ITPK1: variants seen among roughly 807,000 people sequenced by gnomAD.
ITPK1 encodes inositol 1,3,4-trisphosphate 5/6-kinase.
ITPK1 carries 21 observed loss-of-function variants against 45.3 expected under a neutral mutation model. The observed-to-expected ratio is 0.46, with a 90% confidence interval of 0.33 to 0.67. The LOEUF is 0.67. ITPK1 is among the 30% of genes least tolerant of loss of function. ITPK1 has a pLI of 0.02. For synonymous variants in ITPK1, 258 were observed against 253.6 expected (o/e 1.02, Z -0.16); for missense variants, 474 against 573.5 (o/e 0.83, Z 1.77).
intron 2 of ITPK1, among the ~76,000 whole-genome samples, chr14:93,089,225 G>A (rs1393083175): frequency 2.0e-5 from 3 of 152,192 alleles, no homozygotes; most frequent in African/African-American, 7.2e-5. Context: ...TGCAGTGAAG[G>A]GCCCGGAAGG....
At chr14:93,072,929 T>C (rs1274346560) in intron 3 of ITPK1, among the ~76,000 whole-genome samples, 2 of 152,210 alleles carry the variant, frequency 1.3e-5, no homozygotes, top group Admixed American at 6.5e-5. Flanking sequence ...CAGGTACTCT[T>C]TGAATTTTGC....
At chr14:92,943,454 T>C (rs573341425) in intron 10 of ITPK1, among the ~76,000 whole-genome samples, 8 of 152,298 alleles carry the variant, frequency 5.3e-5, no homozygotes, top group East Asian at 3.9e-4. Flanking sequence ...TCCCCCACCA[T>C]AGGACCCGGG....
intron 3 of ITPK1, among the ~76,000 whole-genome samples, chr14:93,027,914 C>T (rs1250598464): frequency 1.3e-5 from 2 of 152,194 alleles, no homozygotes; most frequent in Non-Finnish European, 2.9e-5. Context: ...AACCTCTGCC[C>T]TGAGGCTTCA....
rs116784428 is a variant in ITPK1, at chr14:93,029,783, T to C, written c.121-12982A>G. Among the ~76,000 whole-genome samples, 1,111 of 152,238 alleles carry C rather than the reference T, an allele frequency of 7.3e-3. 15 individuals are homozygous for C. Among genetic ancestry groups the C allele is most frequent in the African/African-American group, 0.026 (1,059 of 41,528 alleles). On this transcript the variant is annotated intron_variant, in intron 3 of 10. Transcript: ENST00000267615. ...AGGCCCCTTCCTCTACAGCCAAGCA[T>C]AGTAAGGATCAAACAGTCACAGACA...
At chr14:92,949,570 C>T (rs944212514) in intron 9 of ITPK1, among the ~76,000 whole-genome samples, 2 of 152,230 alleles carry the variant, frequency 1.3e-5, no homozygotes, top group African/African-American at 2.4e-5. Flanking sequence ...TAAGCCATAA[C>T]AGAACCCTTC....
intron 5 of ITPK1, among the ~76,000 whole-genome samples, chr14:92,993,667 G>A (rs1595118766): frequency 1.3e-5 from 2 of 152,094 alleles, no homozygotes; most frequent in South Asian, 2.1e-4. Flanking sequence ...GCCCCCTTCC[G>A]CAAGAGCACC....
Position 93,032,479 on chromosome 14 carries a change from T to C in ITPK1, c.121-15678A>G. Among the ~76,000 whole-genome samples the C allele has an allele frequency of 6.6e-6, 1 of 152,242 alleles. No individual in the cohort carries two copies. Among genetic ancestry groups the C allele is most frequent in the East Asian group, 1.9e-4 (1 of 5,200 alleles). On this transcript the variant is annotated intron_variant, in intron 3 of 10. Transcript: ENST00000267615. This position sits in a 1 kb window ranked among gnomAD's most constrained non-coding sequence, Gnocchi z 4.0. Reference sequence around the variant, plus strand: ...AGCTAAGCAGCAGCAGAAGCTTTCCTGCAGGACTTCTCAGATACTTTAATA... The same window carrying C: ...AGCTAAGCAGCAGCAGAAGCTTTCCCGCAGGACTTCTCAGATACTTTAATA...
chr14:92,953,154 C>A (rs1034950907), intron 8 of ITPK1, among the ~76,000 whole-genome samples: 1 of 152,256 alleles, frequency 6.6e-6, no homozygotes, highest in Non-Finnish European at 1.5e-5. Flanking sequence ...CTGCCAACGA[C>A]CCATCAGCTC....
At chr14:92,998,875 T>C (rs1446284157) in intron 4 of ITPK1, 2 of 152,218 alleles carry the variant, frequency 1.3e-5, no homozygotes, top group African/African-American at 4.8e-5. Flanking sequence ...TCAGTAATCA[T>C]TTAAAAATAA....
intron 3 of ITPK1, among the ~76,000 whole-genome samples, chr14:93,023,127 G>A (rs1021461327): frequency 2.0e-5 from 3 of 152,146 alleles, no homozygotes; most frequent in Non-Finnish European, 4.4e-5. Flanking sequence ...TGATCTGCCC[G>A]CCTTGGCCTC....
chr14:92,952,104 G>C, intron 8 of ITPK1, 91 bp from the exon 9 acceptor site: 1 of 1,027,366 alleles, frequency 9.7e-7, no homozygotes, highest in Non-Finnish European at 1.5e-6. Context: ...CATCACCCCA[G>C]GCACACAACA....
At chr14:93,099,699 ACAGCCACAGGGAGGCCCCGAG>A (rs1484988074) in intron 2 of ITPK1, among the ~76,000 whole-genome samples, 1 of 152,174 alleles carries the variant, frequency 6.6e-6, no homozygotes, top group Non-Finnish European at 1.5e-5. Flanking sequence ...CCATGCAGCC[ACAGCCACAGGGAGGCCCCGAG>A]CAGCCTCCCT....
At chr14:93,083,161 G>A (rs887496910) in intron 2 of ITPK1, among the ~76,000 whole-genome samples, 29 of 152,120 alleles carry the variant, frequency 1.9e-4, no homozygotes, top group Non-Finnish European at 7.4e-5. Flanking sequence ...CGGCATCCAC[G>A]CCACCACCAA....
intron 2 of ITPK1, among the ~76,000 whole-genome samples, chr14:93,085,358 C>T (rs376569506): frequency 3.3e-5 from 5 of 152,156 alleles, no homozygotes; most frequent in African/African-American, 1.2e-4. Flanking sequence ...AAGACCCTCC[C>T]CCCGACCGGG....
chr14:93,033,815 T>C (rs1162786199), intron 3 of ITPK1, among the ~76,000 whole-genome samples: 1 of 151,770 alleles, frequency 6.6e-6, no homozygotes, highest in Non-Finnish European at 1.5e-5. Context: ...GGGTGTGTGG[T>C]GGGGCACAGG....
At chr14:93,082,405 G>A (rs540999309) in intron 2 of ITPK1, among the ~76,000 whole-genome samples, 2 of 152,284 alleles carry the variant, frequency 1.3e-5, no homozygotes, top group East Asian at 1.9e-4. Context: ...GAGCGGAAGA[G>A]GTGGGTGAGC....
chr14:93,074,253 C>T (rs375041793), intron 3 of ITPK1, among the ~76,000 whole-genome samples: 135 of 152,336 alleles, frequency 8.9e-4, no homozygotes, highest in African/African-American at 2.0e-3. Context: ...CTTCCTCCCC[C>T]AAGCCACCAC....
chr14:92,951,942 C>G lies in ITPK1; in HGVS notation c.738+4G>C. 1 of 1,572,486 alleles carries G rather than the reference C, an allele frequency of 6.4e-7. No individual in the cohort carries two copies. The highest frequency in any genetic ancestry group is 8.6e-7 in the Non-Finnish European group (1 of 1,158,260). On this transcript the variant is annotated splice_donor_region_variant and intron_variant, in intron 9 of 10. Coordinates refer to ENST00000267615, the MANE Select transcript of ITPK1 (RefSeq NM_014216.6). ...GGCCAGGCCATCCCAGCAGAGGGAC[C>G]CACCTCCGTCAGGACCGATGACGAC...
intron 3 of ITPK1, among the ~76,000 whole-genome samples, chr14:93,056,140 C>T (rs530400464): frequency 2.4e-4 from 36 of 152,302 alleles, no homozygotes; most frequent in Admixed American, 1.2e-3. Context: ...GCTGGGGTGA[C>T]TGTGTGAGTA....
Sources: allele counts gnomAD v4.1 joint callset (sites outside exome capture counted in the v4.1 genomes callset), GRCh38; gene constraint gnomAD v4.1.1; non-coding constraint Gnocchi (gnomAD v3.1); transcripts MANE v1.5; gene names NCBI Gene and HGNC (gene_info 2026-07-23, HGNC 2026-07-21).